Variants in ADD2 observed in about 807,000 individuals in gnomAD.
ADD2 encodes adducin 2, also known as beta-adducin.
ADD2 carries 23 observed loss-of-function variants against 83.0 expected under a neutral mutation model. That is an observed-to-expected ratio of 0.28 (90% CI 0.20 to 0.39). ADD2 has a LOEUF of 0.39. Ranked by LOEUF, ADD2 falls within the 10% of genes least tolerant of loss-of-function variation. ADD2 has a pLI of 1.00. For missense variants in ADD2, 758 were observed against 944.9 expected (o/e 0.80, Z 2.59); for synonymous variants, 375 against 375.4 (o/e 1.00, Z 0.01).
chr2:70,684,222 C>A (rs979570693), intron 9 of ADD2, among the ~76,000 whole-genome samples: 2 of 152,046 alleles, frequency 1.3e-5, no homozygotes, highest in Non-Finnish European at 1.5e-5. Flanking sequence ...AGTCTCTGCA[C>A]TTTTCTGTAT....
intron 1 of ADD2, among the ~76,000 whole-genome samples, chr2:70,714,010 G>T (rs4141456): frequency 1.3e-5 from 2 of 151,484 alleles, no homozygotes; most frequent in African/African-American, 4.9e-5. Flanking sequence ...AGAGTTCAAG[G>T]GGAAGAAAGG....
chr2:70,676,482 T>C lies in ADD2; in HGVS notation c.1593+314A>G. 1 of 1,318,104 alleles carries C rather than the reference T, an allele frequency of 7.6e-7. No individual in the cohort carries two copies. Among genetic ancestry groups the C allele is most frequent in the Middle Eastern group, 2.9e-4 (1 of 3,466 alleles). 81.7% of individuals were successfully genotyped at this position (1,318,104 alleles called of 1,614,324 possible). A position where few individuals can be genotyped will look rare whatever the true frequency, so the allele number is the denominator to read the frequency against. ...CAGCCCCAAGCCTATGAGTCCCCAC[T>C]TCACGGGGTAGTAAGGGAGGACAGA... On this transcript the variant is annotated intron_variant, in intron 13 of 15. Coordinates refer to ENST00000264436, the MANE Select transcript of ADD2 (RefSeq NM_001617.4). This position sits in a 1 kb window ranked among gnomAD's most constrained non-coding sequence, Gnocchi z 4.8.
At chr2:70,704,263 T>TAGC in intron 4 of ADD2, 58 bp downstream of exon 4, 7 of 913,234 alleles carry the variant, frequency 7.7e-6, no homozygotes, top group East Asian at 2.9e-5. Context: ...CTCCCTCTCT[T>TAGC]CCCCACCCCA....
At chr2:70,664,712 TGTGTACAAGTGTGTGTGA>T (rs1675688129) in intron 15 of ADD2, among the ~76,000 whole-genome samples, 1 of 151,374 alleles carries the variant, frequency 6.6e-6, no homozygotes, top group African/African-American at 2.4e-5. Flanking sequence ...CACGTGTGAG[TGTGTACAAGTGTGTGTGA>T]GTGTGCAAGT....
At chr2:70,729,703 G>A (rs1225578279) in intron 1 of ADD2, among the ~76,000 whole-genome samples, 1 of 152,140 alleles carries the variant, frequency 6.6e-6, no homozygotes, top group Non-Finnish European at 1.5e-5. Flanking sequence ...GAAATGTGTG[G>A]CTTCTAAGGA....
chr2:70,749,544 A>G (rs1421499763), intron 1 of ADD2, among the ~76,000 whole-genome samples: 2 of 149,924 alleles, frequency 1.3e-5, no homozygotes, highest in African/African-American at 2.5e-5. Flanking sequence ...CAATATGGCC[A>G]GCTAAAAAAA....
intron 9 of ADD2, 134 bp from the exon 10 acceptor site, chr2:70,683,901 T>C: frequency 1.1e-6 from 1 of 906,230 alleles, no homozygotes; most frequent in Admixed American, 3.3e-5. Flanking sequence ...GAGCCACCCA[T>C]ACTTGATGGG....
At chr2:70,699,770 A>G (rs961243746) in intron 4 of ADD2, among the ~76,000 whole-genome samples, 18 of 152,008 alleles carry the variant, frequency 1.2e-4, no homozygotes, top group Admixed American at 8.5e-4. Flanking sequence ...ACAGGGCAAG[A>G]TCCTGTCTCA....
At chr2:70,724,046 C>A (rs942001412) in intron 1 of ADD2, among the ~76,000 whole-genome samples, 5 of 152,220 alleles carry the variant, frequency 3.3e-5, no homozygotes, top group African/African-American at 1.2e-4. Context: ...AGTGATGAGG[C>A]CACAGTGAAT....
At chr2:70,751,396 A>G in intron 1 of ADD2, among the ~76,000 whole-genome samples, 1 of 152,318 alleles carries the variant, frequency 6.6e-6, no homozygotes, top group South Asian at 2.1e-4. Context: ...GTCTCTTTGA[A>G]CTAAACTAGA....
intron 1 of ADD2, among the ~76,000 whole-genome samples, chr2:70,739,002 G>C (rs534933800): frequency 6.6e-6 from 1 of 152,124 alleles, no homozygotes; most frequent in Admixed American, 6.5e-5. Context: ...TGACAAAGAT[G>C]CCAAGAGCAA....
chr2:70,728,179 T>C (rs938552519), intron 1 of ADD2, among the ~76,000 whole-genome samples: 3 of 152,196 alleles, frequency 2.0e-5, no homozygotes, highest in Non-Finnish European at 1.5e-5. Context: ...TGCTGGTCAC[T>C]CTTGTCCGTC....
chr2:70,703,471 A>T (rs868969453), intron 4 of ADD2, among the ~76,000 whole-genome samples: 1 of 152,326 alleles, frequency 6.6e-6, no homozygotes, highest in South Asian at 2.1e-4. Flanking sequence ...TGGAGAAAGG[A>T]TGTAATCTGC....
chr2:70,692,587 G>A (rs782551732), intron 6 of ADD2, 35 bp from the exon 7 acceptor site: 3 of 1,549,288 alleles, frequency 1.9e-6, no homozygotes, highest in Non-Finnish European at 2.6e-6. Context: ...TATGGCAACA[G>A]GGTGGCCGAG....
At chr2:70,671,921 C>T (rs1553367135) in intron 15 of ADD2, among the ~76,000 whole-genome samples, 2 of 152,142 alleles carry the variant, frequency 1.3e-5, no homozygotes, top group African/African-American at 4.8e-5. Context: ...CTCCGGGGAC[C>T]TGGGATGGAG....
chr2:70,729,745 CT>C (rs550418546), intron 1 of ADD2, among the ~76,000 whole-genome samples: 12 of 152,324 alleles, frequency 7.9e-5, no homozygotes, highest in African/African-American at 2.9e-4. Context: ...GTCCTTTACA[CT>C]TTCTAAATAC....
chr2:70,734,202 G>A (rs1221976190), intron 1 of ADD2, among the ~76,000 whole-genome samples: 92 of 152,140 alleles, frequency 6.0e-4, no homozygotes, highest in Non-Finnish European at 5.9e-5. Flanking sequence ...GGAAAAATGA[G>A]TTTATCTACA....
chr2:70,673,414 AT>A, intron 14 of ADD2: 1 of 1,136,336 alleles, frequency 8.8e-7, no homozygotes, highest in Non-Finnish European at 1.3e-6. Context: ...AACTCCCCTT[AT>A]TTTATTTTTT....
At chr2:70,731,198 A>AG (rs1673263604) in intron 1 of ADD2, among the ~76,000 whole-genome samples, 1 of 152,100 alleles carries the variant, frequency 6.6e-6, no homozygotes, top group Non-Finnish European at 1.5e-5. Flanking sequence ...AGTGGGGAAA[A>AG]GGGGTACTTA....
Sources: gnomAD v4.1 joint callset for allele counts (sites outside exome capture counted in the v4.1 genomes callset) on GRCh38, gnomAD v4.1.1 for gene constraint, Gnocchi (gnomAD v3.1) non-coding constraint, MANE v1.5 for transcripts, NCBI Gene and HGNC (gene_info 2026-07-23, HGNC 2026-07-21) for gene names.